The following SLC22A16 variants were observed in gnomAD, a reference collection of about 807,000 sequenced individuals.
The protein encoded by SLC22A16 is WUGSC:RG331P03.1.
A neutral mutation model predicts 52.9 loss-of-function variants in SLC22A16; 53 were observed. The observed-to-expected ratio is 1.00, with a 90% confidence interval of 0.80 to 1.26. The LOEUF (loss-of-function observed/expected upper bound fraction) is 1.26. Among genes scored for constraint, SLC22A16 ranks in the 50% most tolerant of loss-of-function variants. The probability of loss-of-function intolerance (pLI) is 0.00; values close to 1 mark genes in which losing one functional copy is unlikely to be tolerated. For missense variants in SLC22A16, 726 were observed against 704.0 expected (o/e 1.03, Z -0.35); for synonymous variants, 291 against 268.8 (o/e 1.08, Z -0.81).
At chr6:110,469,700 T>A (rs574387028) in intron 1 of SLC22A16, among the ~76,000 whole-genome samples, 49 of 152,246 alleles carry the variant, frequency 3.2e-4, no homozygotes, top group African/African-American at 1.2e-3. Context: ...CTGATGTAAA[T>A]AAAGTGGGAA....
At chr6:110,435,044 A>G (rs1353570281) in intron 6 of SLC22A16, among the ~76,000 whole-genome samples, 1 of 152,144 alleles carries the variant, frequency 6.6e-6, no homozygotes, top group East Asian at 1.9e-4. Context: ...GTAAGGACCC[A>G]AGACTGATAT....
At chr6:110,442,895 A>G in intron 3 of SLC22A16, 120 bp from the exon 4 acceptor site, 2 of 841,312 alleles carry the variant, frequency 2.4e-6, no homozygotes, top group East Asian at 2.7e-5. Context: ...GCTTTCTGAA[A>G]CCCCTATCAG....
intron 1 of SLC22A16, among the ~76,000 whole-genome samples, chr6:110,464,456 A>T (rs1470976989): frequency 3.9e-5 from 6 of 152,072 alleles, no homozygotes; most frequent in Admixed American, 3.9e-4. Context: ...CAGAAATGAT[A>T]AAAGTAACAT....
rs1383202836 is a variant in SLC22A16 at position 110,456,719 on chromosome 6, C to T, written c.352G>A (p.Gly118Ser). The T allele has an allele frequency of 3.1e-6, 5 of 1,614,142 alleles. No homozygotes were observed. The African/African-American group carries it at 5.3e-5, about 17-fold the overall frequency. ...ACACAAGGAAACTCTTTCTTACTGCCAGTGTATTCATAGCCCAAACTCGAT... is the reference window on the plus strand; with the variant it reads ...ACACAAGGAAACTCTTTCTTACTGCTAGTGTATTCATAGCCCAAACTCGAT... ...NTSSLGYEYT[G>S]SKKEFPCVDG... Residue 118 changes from glycine to serine, a missense_variant, in exon 2 of 8, where the codon GGC (glycine) becomes AGC (serine). Transcript: ENST00000368919.
intron 4 of SLC22A16, among the ~76,000 whole-genome samples, chr6:110,439,835 TA>T (rs745373745): frequency 6.6e-5 from 10 of 152,188 alleles, no homozygotes; most frequent in Admixed American, 1.3e-4. Context: ...AACCTGCCAT[TA>T]AAATGAAAGA....
Position 110,424,898 on chromosome 6 carries a change from G to A in SLC22A16, c.1709C>T (p.Pro570Leu), listed in dbSNP as rs373092945. The change falls in exon 8 of 8, where the codon CCC becomes CTC. Residue 570 changes from proline (P) to leucine (L), a missense_variant. Transcript: ENST00000368919. The stretch of plus-strand genomic sequence containing the variant: ...TTATTCACCAAGACCAGAATCCCTG[G>A]GGGTAATCGCTTCCGTTTTTTCCAG... ...SGLEKTEAIT[P>L]RDSGLGE 2.5e-6 allele frequency: 4 copies of A among 1,614,122 alleles called. No homozygotes were observed. Among genetic ancestry groups the A allele is most frequent in the South Asian group, 2.2e-5 (2 of 91,074 alleles).
intron 4 of SLC22A16, 52 bp downstream of exon 4, chr6:110,442,192 A>G: frequency 1.3e-6 from 2 of 1,538,798 alleles, no homozygotes; most frequent in Non-Finnish European, 1.8e-6. Context: ...ACACACACAA[A>G]TGGTAGAAAT....
At chr6:110,473,283 A>G (rs1320183288) in intron 1 of SLC22A16, among the ~76,000 whole-genome samples, 1 of 152,020 alleles carries the variant, frequency 6.6e-6, no homozygotes, top group Admixed American at 6.5e-5. Context: ...CCACATTCCA[A>G]CTCTAAACTT....
intron 1 of SLC22A16, among the ~76,000 whole-genome samples, chr6:110,474,728 C>T (rs1360195634): frequency 6.6e-6 from 1 of 152,258 alleles, no homozygotes; most frequent in Non-Finnish European, 1.5e-5. Context: ...GAGCCCCATG[C>T]AGTGGATGAC....
chr6:110,450,049 C>G (rs1315803672), intron 2 of SLC22A16, among the ~76,000 whole-genome samples: 1 of 152,074 alleles, frequency 6.6e-6, no homozygotes, highest in Admixed American at 6.5e-5. Context: ...TTGATCATTC[C>G]TTGGGGTCTC....
rs779879369 is a variant in SLC22A16, at chr6:110,425,057, C to T, written c.1550G>A (p.Ser517Asn). The change falls in exon 8 of 8, where the codon AGT (serine) becomes AAT (asparagine). Residue 517 changes from serine to asparagine, a missense_variant. Ser to Asn is a conservative substitution (Grantham distance 46). Coordinates refer to ENST00000368919, the MANE Select transcript of SLC22A16 (RefSeq NM_033125.4). The stretch of plus-strand genomic sequence containing the variant: ...TGGAAGCTTTAGTGTTAACACTCCA[C>T]TCAGGAGGGCCATAGTCCCAACAAA... ...QLFVGTMALL[S>N]GVLTLKLPET... 1.2e-6 allele frequency: 2 copies of T among 1,614,146 alleles called. No individual in the cohort carries two copies. The highest frequency in any genetic ancestry group is 1.7e-5 in the Admixed American group (1 of 60,024).
chr6:110,450,942 T>A (rs1453214520), intron 2 of SLC22A16, among the ~76,000 whole-genome samples: 1 of 152,192 alleles, frequency 6.6e-6, no homozygotes, highest in Non-Finnish European at 1.5e-5. Flanking sequence ...GATAATCTCT[T>A]GTTTTTTGTT....
intron 7 of SLC22A16, among the ~76,000 whole-genome samples, chr6:110,426,626 C>A (rs1774266061): frequency 6.6e-6 from 1 of 152,158 alleles, no homozygotes; most frequent in Non-Finnish European, 1.5e-5. Context: ...CTTTTCCTTT[C>A]TGCTGGCTAT....
chr6:110,476,496 G>GGA (rs756256637), intron 1 of SLC22A16, 26 bp downstream of exon 1: 1 of 1,359,280 alleles, frequency 7.4e-7, no homozygotes, highest in Non-Finnish European at 9.6e-7. Context: ...CCTCCCGCGT[G>GGA]GCGCCGCGGG....
chr6:110,451,257 A>G (rs1775369914), intron 2 of SLC22A16, among the ~76,000 whole-genome samples: 1 of 152,202 alleles, frequency 6.6e-6, no homozygotes, highest in Non-Finnish European at 1.5e-5. Flanking sequence ...GTTAGGAACA[A>G]TGCTGTGAGG....
chr6:110,439,721 G>T (rs1774889468), intron 4 of SLC22A16, among the ~76,000 whole-genome samples: 1 of 152,186 alleles, frequency 6.6e-6, no homozygotes, highest in South Asian at 2.1e-4. Flanking sequence ...ATAAGCAGGA[G>T]TTAAGACTAG....
At chr6:110,468,869 C>G (rs891711103) in intron 1 of SLC22A16, among the ~76,000 whole-genome samples, 1 of 152,082 alleles carries the variant, frequency 6.6e-6, no homozygotes, top group African/African-American at 2.4e-5. Flanking sequence ...GTCCCCAGCC[C>G]CTGCACTGGC....
At chr6:110,456,238 G>C (rs995613383) in intron 2 of SLC22A16, 5 of 327,128 alleles carry the variant, frequency 1.5e-5, no homozygotes, top group Admixed American at 9.0e-5. Context: ...TTTGAAGTAA[G>C]TGATATTATT....
rs1477981151 is a variant in SLC22A16 at position 110,431,255 on chromosome 6, T to A, written c.1437A>T (p.Gly479=). The A allele has an allele frequency of 6.2e-7, 1 of 1,612,458 alleles. No homozygotes were observed. The highest frequency in any genetic ancestry group is 1.7e-5 in the Admixed American group (1 of 59,992). Residue 479 remains glycine, a synonymous_variant, in exon 7 of 8, where the codon GGA becomes GGT. Transcript: ENST00000368919. Reference sequence around the variant, plus strand: ...CCAGGCGACACACCATGCTGCCGCTTCCCACAGCCAGCGATCTGGAAACAG... The same window carrying A: ...CCAGGCGACACACCATGCTGCCGCTACCCACAGCCAGCGATCTGGAAACAG... ...YPTIVRSLAV[G]SGSMVCRLAS... is the part of the protein sequence containing the mutation.
Sources: allele counts gnomAD v4.1 joint callset (sites outside exome capture counted in the v4.1 genomes callset), GRCh38; gene constraint gnomAD v4.1.1; transcripts MANE v1.5; gene names NCBI Gene and HGNC (gene_info 2026-07-23, HGNC 2026-07-21).